DAB1: variants seen among roughly 807,000 people sequenced by gnomAD.
DAB1 encodes the protein DAB adaptor protein 1.
Under a neutral mutation model 64.6 loss-of-function variants are expected in DAB1, and 15 were observed. The observed-to-expected ratio is 0.23, with a 90% confidence interval of 0.16 to 0.36. The LOEUF is 0.36. Among genes scored for constraint, DAB1 ranks in the 10% least tolerant of loss-of-function variants. The probability of loss-of-function intolerance (pLI) is 1.00; values close to 1 mark genes in which losing one functional copy is unlikely to be tolerated. For missense variants in DAB1, 596 were observed against 706.7 expected, an observed-to-expected ratio of 0.84 and a Z score of 1.78; for synonymous variants, 235 against 251.9, an observed-to-expected ratio of 0.93 and a Z score of 0.64.
rs1487842025 is a variant in DAB1 at position 56,996,352 on chromosome 1, T to G, written c.*1792A>C. The G allele has an allele frequency of 3.3e-5, 5 of 152,224 alleles. No individual in the cohort carries two copies. Among genetic ancestry groups the G allele is most frequent in the African/African-American group, 4.8e-5 (2 of 41,456 alleles). The allele number at this position is 152,224 out of a possible 1,614,324, so 9.4% of individuals were successfully genotyped here. Reference sequence around the variant, plus strand: ...TAGTGTTAAAACACTTTCAACATACTGTAACTGCATAGGAACATCAGGAAA... The same window carrying G: ...TAGTGTTAAAACACTTTCAACATACGGTAACTGCATAGGAACATCAGGAAA... On this transcript the variant is annotated 3_prime_UTR_variant, in exon 15 of 15. Transcript: ENST00000371236.
intron 7 of DAB1, among the ~76,000 whole-genome samples, chr1:57,551,596 G>A (rs542788985): frequency 1.2e-4 from 19 of 152,202 alleles, no homozygotes; most frequent in East Asian, 5.8e-4. Context: ...AGGGGGTGGC[G>A]TTTGGGAGAA....
chr1:57,230,104 C>G (rs188921798), intron 2 of DAB1, among the ~76,000 whole-genome samples: 29 of 152,242 alleles, frequency 1.9e-4, no homozygotes, highest in Admixed American at 1.2e-3. Context: ...AATGAACACC[C>G]ACATAGTCTT....
intron 3 of DAB1, among the ~76,000 whole-genome samples, chr1:58,447,239 G>A (rs1645077690): frequency 6.6e-6 from 1 of 152,172 alleles, no homozygotes; most frequent in Admixed American, 6.5e-5. Flanking sequence ...AGTAGCAAGG[G>A]GTGGCGGGAA....
chr1:57,692,447 C>G (rs1039987862), intron 6 of DAB1, among the ~76,000 whole-genome samples: 1 of 149,750 alleles, frequency 6.7e-6, no homozygotes, highest in Non-Finnish European at 1.5e-5. Flanking sequence ...GGAGACAGAA[C>G]GAGGAAGAGA....
chr1:58,049,066 G>T (rs1647445232), intron 5 of DAB1: 10 of 785,618 alleles, frequency 1.3e-5, no homozygotes, highest in Non-Finnish European at 1.8e-5. Context: ...ACCTTGTGTG[G>T]CCTTGCATTT....
At chr1:57,104,766 A>G (rs1654986820) in intron 4 of DAB1, among the ~76,000 whole-genome samples, 1 of 152,104 alleles carries the variant, frequency 6.6e-6, no homozygotes, top group Non-Finnish European at 1.5e-5. Flanking sequence ...TGAGACCATG[A>G]ATATATGAAC....
intron 1 of DAB1, among the ~76,000 whole-genome samples, chr1:57,872,845 G>A (rs1280734075): frequency 6.6e-6 from 1 of 152,166 alleles, no homozygotes; most frequent in African/African-American, 2.4e-5. Context: ...GAAGAAATGT[G>A]AAATGGGAAG....
chr1:58,248,074 G>T (rs1468625685), intron 4 of DAB1, among the ~76,000 whole-genome samples: 1 of 151,250 alleles, frequency 6.6e-6, no homozygotes, highest in Non-Finnish European at 1.5e-5. Flanking sequence ...GCAACTAGCT[G>T]AGTCCAAATT....
chr1:57,660,244 G>A (rs536279198), intron 6 of DAB1, among the ~76,000 whole-genome samples: 28 of 152,068 alleles, frequency 1.8e-4, no homozygotes, highest in Non-Finnish European at 2.9e-4. Context: ...CTATGCTAAG[G>A]ACTTTCTTGT....
At chr1:57,969,030 T>G (rs1275919481) in intron 5 of DAB1, among the ~76,000 whole-genome samples, 1 of 152,218 alleles carries the variant, frequency 6.6e-6, no homozygotes, top group Non-Finnish European at 1.5e-5. Flanking sequence ...GTATCATTCT[T>G]GTTTATCTGG....
At chr1:57,005,283 T>G (rs1206076530) in intron 14 of DAB1, among the ~76,000 whole-genome samples, 2 of 152,336 alleles carry the variant, frequency 1.3e-5, no homozygotes, top group Non-Finnish European at 2.9e-5. Context: ...TCATCTTTTT[T>G]GGCCTTGTTA....
chr1:58,512,388 A>T (rs971698486), intron 2 of DAB1, among the ~76,000 whole-genome samples: 1 of 152,202 alleles, frequency 6.6e-6, no homozygotes, highest in Non-Finnish European at 1.5e-5. Context: ...ATGATTCAGA[A>T]ATCCTACTTC....
chr1:58,349,450 T>C (rs982646604), intron 3 of DAB1, among the ~76,000 whole-genome samples: 1 of 151,848 alleles, frequency 6.6e-6, no homozygotes, highest in African/African-American at 2.4e-5. Flanking sequence ...ATTATTATTA[T>C]TATTATCATT....
chr1:57,671,109 G>T (rs7526173), intron 6 of DAB1, among the ~76,000 whole-genome samples: 48,273 of 151,876 alleles, frequency 0.32, 8,050 homozygotes, highest in Non-Finnish European at 0.38. Flanking sequence ...CCCCTGAATA[G>T]CTTCAATCCA....
chr1:58,502,277 T>C (rs1645919303), intron 3 of DAB1, among the ~76,000 whole-genome samples: 1 of 152,204 alleles, frequency 6.6e-6, no homozygotes, highest in African/African-American at 2.4e-5. Flanking sequence ...TCCTATTTGC[T>C]TTCTTGATTT....
chr1:58,542,320 T>C lies in DAB1; in HGVS notation n.32+4383A>G, dbSNP rs548681935. ...CTAGAAGTCATTTCACAATTCATAC[T>C]GGAGTAGCTAGTAAGGTTTTCATTG... On this transcript the variant is annotated intron_variant and non_coding_transcript_variant, in intron 1 of 20. Transcript: ENST00000485760. 2.8e-4 allele frequency among the ~76,000 whole-genome samples: 43 copies of C among 152,336 alleles called. No individual in the cohort carries two copies. In the South Asian group the frequency reaches 8.9e-3, roughly 32 times the overall value.
At chr1:58,211,949 T>C (rs189075610) in intron 4 of DAB1, among the ~76,000 whole-genome samples, 1 of 152,290 alleles carries the variant, frequency 6.6e-6, no homozygotes, top group Admixed American at 6.5e-5. Context: ...TGCACAATCC[T>C]GGCATTTCAC....
intron 4 of DAB1, among the ~76,000 whole-genome samples, chr1:58,220,487 G>A (rs988811077): frequency 6.6e-6 from 1 of 152,076 alleles, no homozygotes; most frequent in Non-Finnish European, 1.5e-5. Context: ...GTGAGCAAGG[G>A]GCTGGGGGGA....
chr1:57,115,394 A>G (rs1007390644), intron 4 of DAB1, among the ~76,000 whole-genome samples: 5 of 152,112 alleles, frequency 3.3e-5, no homozygotes, highest in African/African-American at 1.2e-4. Flanking sequence ...AGAAGTGGGC[A>G]TTTTCATCAC....
Sources: allele counts gnomAD v4.1 joint callset (sites outside exome capture counted in the v4.1 genomes callset), GRCh38; gene constraint gnomAD v4.1.1; transcripts MANE v1.5; gene names NCBI Gene and HGNC (gene_info 2026-07-23, HGNC 2026-07-21).